TBCD: variants seen among roughly 807,000 people sequenced by gnomAD.
TBCD encodes tubulin-specific chaperone D.
Under a neutral mutation model 169.3 loss-of-function variants are expected in TBCD, and 105 were observed. The observed-to-expected ratio is 0.62, with a 90% CI of 0.53 to 0.73. The LOEUF (loss-of-function observed/expected upper bound fraction) is 0.73, where lower values mean the gene tolerates loss of function less well. Among genes scored for constraint, TBCD ranks in the 30% least tolerant of loss-of-function variants. The probability of loss-of-function intolerance (pLI) is 0.00; values close to 1 mark genes in which losing one functional copy is unlikely to be tolerated. For missense variants in TBCD, 1,444 were observed against 1,600.1 expected (o/e 0.90, Z 1.66); for synonymous variants, 700 against 643.9 (o/e 1.09, Z -1.32).
At chr17:82,760,120 C>T (rs57241828) in intron 2 of TBCD, among the ~76,000 whole-genome samples, 7,204 of 151,944 alleles carry the variant, frequency 0.047, 359 homozygotes, top group African/African-American at 0.13. Context: ...GCAGTCTGCC[C>T]GCCTTGGCCT....
chr17:82,801,100 A>G (rs1598578548), intron 9 of TBCD, 104 bp downstream of exon 9: 1 of 500,364 alleles, frequency 2.0e-6, no homozygotes, highest in South Asian at 7.0e-5. Context: ...CTGTTGGGGC[A>G]GGTGCTGTGG....
chr17:82,883,893 G>C (rs958688381), intron 14 of TBCD, among the ~76,000 whole-genome samples: 3 of 152,122 alleles, frequency 2.0e-5, no homozygotes, highest in African/African-American at 7.2e-5. Flanking sequence ...CTGTGCCCTC[G>C]GTGTGCACCG....
In TBCD at chr17:82,942,440, CTT is replaced by C. The variant is rs777229805; in HGVS notation, c.3565-8_3565-7del. Reference sequence around the variant, plus strand: ...TGACCAGCCTGAGCTTGTCTTGTCTCTTCTTCAGCCTGGTGCCTGCTGAAGCC... The same window carrying C: ...TGACCAGCCTGAGCTTGTCTTGTCTCCTTCAGCCTGGTGCCTGCTGAAGCC... On this transcript the variant is annotated splice_polypyrimidine_tract_variant and splice_region_variant and intron_variant, in intron 38 of 38. Coordinates refer to ENST00000355528, the MANE Select transcript of TBCD (RefSeq NM_005993.5). 5.6e-6 allele frequency: 9 copies of C among 1,613,628 alleles called. No homozygotes were observed. Among genetic ancestry groups the C allele is most frequent in the Non-Finnish European group, 5.9e-6 (7 of 1,179,590 alleles).
intron 7 of TBCD, among the ~76,000 whole-genome samples, chr17:82,786,143 A>C (rs1232785333): frequency 6.6e-6 from 1 of 152,168 alleles, no homozygotes; most frequent in Non-Finnish European, 1.5e-5. Context: ...AATCATCTGC[A>C]CCTGGAACCA....
intron 6 of TBCD, among the ~76,000 whole-genome samples, chr17:82,777,326 T>A (rs963936420): frequency 1.3e-5 from 2 of 152,170 alleles, no homozygotes; most frequent in African/African-American, 4.8e-5. Flanking sequence ...GTCGGTGGGT[T>A]TCTCCCTGTG....
intron 29 of TBCD, among the ~76,000 whole-genome samples, chr17:82,927,681 G>A (rs1794627490): frequency 6.6e-6 from 1 of 151,984 alleles, no homozygotes; most frequent in Admixed American, 6.5e-5. Context: ...TGTGTAGGAT[G>A]CCTCGGGGCC....
At chr17:82,813,289 T>C (rs892355695) in intron 12 of TBCD, among the ~76,000 whole-genome samples, 1 of 151,944 alleles carries the variant, frequency 6.6e-6, no homozygotes, top group Non-Finnish European at 1.5e-5. Context: ...CTCTCTCTCT[T>C]CCTCTCCCGC....
intron 2 of TBCD, among the ~76,000 whole-genome samples, chr17:82,760,019 A>G (rs143025566): frequency 0.013 from 1,942 of 151,236 alleles, 55 homozygotes; most frequent in African/African-American, 0.045. Context: ...CCCGAGTAGC[A>G]TGTGCCACCA....
intron 6 of TBCD, among the ~76,000 whole-genome samples, chr17:82,776,314 T>TG (rs1568115545): frequency 6.6e-6 from 1 of 151,772 alleles, no homozygotes; most frequent in Non-Finnish European, 1.5e-5. Flanking sequence ...GAAGGCTGGG[T>TG]GGGAGGATTG....
chr17:82,830,570 GA>G (rs1265164128), intron 13 of TBCD: 1 of 1,613,966 alleles, frequency 6.2e-7, no homozygotes, highest in Non-Finnish European at 8.5e-7. Context: ...GTCTTCTGTG[GA>G]ACAGCAGCAG....
chr17:82,783,260 T>C (rs1372028455), intron 7 of TBCD, among the ~76,000 whole-genome samples: 1 of 152,230 alleles, frequency 6.6e-6, no homozygotes, highest in East Asian at 1.9e-4. Context: ...GAGAGAAAAC[T>C]GCAGACGTGT....
intron 6 of TBCD, among the ~76,000 whole-genome samples, chr17:82,781,269 C>T (rs1402266155): frequency 3.6e-5 from 3 of 83,252 alleles, no homozygotes; most frequent in Non-Finnish European, 4.6e-5. Context: ...GCAGGGGCTC[C>T]CTGGCGGTGA....
chr17:82,887,282 C>T (rs1414327237), intron 15 of TBCD, among the ~76,000 whole-genome samples: 1 of 152,096 alleles, frequency 6.6e-6, no homozygotes, highest in Non-Finnish European at 1.5e-5. Flanking sequence ...TCCCGAGAGG[C>T]CTGTGCTACT....
At chr17:82,847,358 A>G (rs1024426247) in intron 13 of TBCD, among the ~76,000 whole-genome samples, 2,060 of 54,950 alleles carry the variant, frequency 0.037, 29 homozygotes, top group African/African-American at 0.097. Flanking sequence ...ATGTCAAAGA[A>G]AAAAAAAAAA....
Position 82,903,322 on chromosome 17 carries a change from T to C in TBCD, c.1731-83T>C. 1 of 1,333,448 alleles carries C rather than the reference T, an allele frequency of 7.5e-7. No homozygotes were observed. The highest frequency in any genetic ancestry group is 1.1e-6 in the Non-Finnish European group (1 of 951,692). 82.6% of individuals were successfully genotyped at this position (1,333,448 alleles called of 1,614,324 possible). On this transcript the variant is annotated intron_variant, in intron 18 of 38. Transcript: ENST00000355528. The surrounding 1 kb of genome is among the most constrained non-coding windows in gnomAD (Gnocchi z 4.8). ...TGGCCGGTTGAGGACTCGTGTGTTG[T>C]CTCCCTCACTTTCTTTTTATGAATT...
At chr17:82,824,185 T>G (rs925795315) in intron 13 of TBCD, among the ~76,000 whole-genome samples, 2 of 151,998 alleles carry the variant, frequency 1.3e-5, no homozygotes, top group African/African-American at 4.8e-5. Flanking sequence ...TTTACTTTTA[T>G]TTTTATTTTT....
At chr17:82,760,712 G>C (rs1410857645) in intron 2 of TBCD, among the ~76,000 whole-genome samples, 5 of 152,172 alleles carry the variant, frequency 3.3e-5, no homozygotes, top group African/African-American at 1.2e-4. Context: ...GTGTATTACA[G>C]AGTTGTGTAA....
intron 28 of TBCD, chr17:82,926,979 A>G (rs1194844003): frequency 1.9e-5 from 13 of 684,578 alleles, no homozygotes; most frequent in East Asian, 5.7e-5. Context: ...CCACCTTTCA[A>G]CCGGAGAGAC....
At chr17:82,888,899 G>T (rs2058939921) in intron 15 of TBCD, among the ~76,000 whole-genome samples, 1 of 152,244 alleles carries the variant, frequency 6.6e-6, no homozygotes, top group African/African-American at 2.4e-5. Flanking sequence ...CCCCTTGCTG[G>T]TGGTGTGTGT....
Sources: allele counts gnomAD v4.1 joint callset (sites outside exome capture counted in the v4.1 genomes callset), GRCh38; gene constraint gnomAD v4.1.1; non-coding constraint Gnocchi (gnomAD v3.1); transcripts MANE v1.5; gene names NCBI Gene and HGNC (gene_info 2026-07-23, HGNC 2026-07-21).